Variants in PRDM15 observed in about 807,000 individuals in gnomAD.
The protein encoded by PRDM15 is PR/SET domain 15, also known as PR domain zinc finger protein 15.
In PRDM15, 64 loss-of-function variants were observed where a neutral mutation model predicts 128.6. That is an observed-to-expected ratio of 0.50 (90% confidence interval 0.41 to 0.61). The LOEUF is 0.61. Among genes scored for constraint, PRDM15 ranks in the 20% least tolerant of loss-of-function variants. The pLI, the probability that PRDM15 is intolerant of heterozygous loss-of-function variation, is 0.00. For synonymous variants in PRDM15, 615 were observed against 621.8 expected (o/e 0.99, Z 0.16); for missense variants, 1,242 against 1,569.1 (o/e 0.79, Z 3.52).
At chr21:41,823,161 A>G (rs1277004224) in intron 14 of PRDM15, 157 bp downstream of exon 14, 11 of 951,576 alleles carry the variant, frequency 1.2e-5, no homozygotes, top group Non-Finnish European at 1.8e-5. Context: ...CACCGAATCT[A>G]TGGGGGCTTT....
intron 1 of PRDM15, among the ~76,000 whole-genome samples, chr21:41,869,324 A>G (rs1237692836): frequency 6.6e-6 from 1 of 152,164 alleles, no homozygotes; most frequent in Non-Finnish European, 1.5e-5. Context: ...TCTGTCGCCC[A>G]GGCTAGAGTG....
intron 16 of PRDM15, 88 bp downstream of exon 16, chr21:41,820,979 A>T: frequency 6.5e-7 from 1 of 1,543,310 alleles, no homozygotes; most frequent in Non-Finnish European, 8.9e-7. Context: ...TGGAAGCTAC[A>T]AATGGCTCCT....
chr21:41,830,693 C>CATAAAT (rs2062657070), intron 11 of PRDM15, among the ~76,000 whole-genome samples: 1 of 151,740 alleles, frequency 6.6e-6, no homozygotes, highest in Non-Finnish European at 1.5e-5. Flanking sequence ...CCACATACCA[C>CATAAAT]ACAAATACAT....
In PRDM15 at chr21:41,821,391, T is replaced by C. The variant is rs2062258134; in HGVS notation, c.1897-161A>G. Among the ~76,000 whole-genome samples, 1 of 152,132 alleles carries C rather than the reference T, an allele frequency of 6.6e-6. No individual in the cohort carries two copies. The highest frequency in any genetic ancestry group is 1.5e-5 in the Non-Finnish European group (1 of 68,024). On this transcript the variant is annotated intron_variant, in intron 15 of 23. Coordinates refer to ENST00000398548, the MANE Select transcript of PRDM15 (RefSeq NM_001040424.3). The surrounding 1 kb of genome is among the most constrained non-coding windows in gnomAD (Gnocchi z 5.4). ...CTCTCAGAGGCTTGATGGGGAACTT[T>C]TCCGAAGCCATAAGGCCTCATGCCC... is the stretch of plus-strand genomic sequence containing the variant.
At chr21:41,802,416 A>T (rs979395195) in intron 23 of PRDM15, among the ~76,000 whole-genome samples, 1 of 152,008 alleles carries the variant, frequency 6.6e-6, no homozygotes, top group Admixed American at 6.6e-5. Context: ...GCCACCCGTG[A>T]CCTCCCCAAA....
In PRDM15 at chr21:41,879,168, C is replaced by A; in HGVS notation, c.-10+102G>T. On this transcript the variant is annotated intron_variant, in intron 1 of 23. Coordinates refer to ENST00000398548, the MANE Select transcript of PRDM15 (RefSeq NM_001040424.3). The surrounding 1 kb of genome is among the most constrained non-coding windows in gnomAD (Gnocchi z 5.1). Reference sequence around the variant, plus strand: ...GCCGGGCGCGGGGGGCGGGGGGCAGCGGGCCCAGGGCGCGCCGGGGCTCGC... The same window carrying A: ...GCCGGGCGCGGGGGGCGGGGGGCAGAGGGCCCAGGGCGCGCCGGGGCTCGC... 1.2e-6 allele frequency: 1 copy of A among 802,220 alleles called. No individual in the cohort carries two copies. The highest frequency in any genetic ancestry group is 1.5e-6 in the Non-Finnish European group (1 of 672,132). The allele number at this position is 802,220 out of a possible 1,614,324, so 49.7% of individuals were successfully genotyped here. A position where few individuals can be genotyped will look rare whatever the true frequency, so the allele number is the denominator to read the frequency against.
intron 5 of PRDM15, among the ~76,000 whole-genome samples, chr21:41,849,111 AAAAC>A (rs897860294): frequency 5.9e-5 from 9 of 152,252 alleles, no homozygotes; most frequent in African/African-American, 1.4e-4. Context: ...TGCAGAGTTT[AAAAC>A]AAACAAACAA....
In PRDM15 at chr21:41,857,214, C is replaced by T. The variant is rs1343555701; in HGVS notation, c.247G>A (p.Val83Ile). The change falls in exon 4 of 24, where the codon GTC (valine) becomes ATC (isoleucine). Residue 83 changes from valine (V) to isoleucine (I), a missense_variant. Physicochemically the swap from Val to Ile is conservative, Grantham distance 29 (BLOSUM62 3). Coordinates refer to ENST00000398548, the MANE Select transcript of PRDM15 (RefSeq NM_001040424.3). ...TQFGPFESRR[V>I]AKWEKESAFP... ...GCAGACTCCTTTTCCCATTTGGCGA[C>T]CCTCCTGGACTCAAAGGGACCGAAC... The T allele has an allele frequency of 6.2e-7, 1 of 1,613,724 alleles. No homozygotes were observed. The highest frequency in any genetic ancestry group is 1.7e-5 in the Admixed American group (1 of 60,000).
chr21:41,876,275 C>T (rs747224997), intron 1 of PRDM15, among the ~76,000 whole-genome samples: 1 of 152,118 alleles, frequency 6.6e-6, no homozygotes, highest in Non-Finnish European at 1.5e-5. Context: ...CTTTTTTCCC[C>T]TAATCAGTTC....
chr21:41,871,960 G>T, intron 1 of PRDM15: 1 of 205,652 alleles, frequency 4.9e-6, no homozygotes, highest in Non-Finnish European at 9.7e-6. Context: ...GAAGGCCCCA[G>T]GATACAATGG....
Position 41,847,161 on chromosome 21 carries a change from A to C in PRDM15, c.569T>G (p.Val190Gly), listed in dbSNP as rs1163591326. ...AAGTPENSAP[V>G]ESEPSQWACK... ...CGCCCACTGGCTGGGCTCCGACTCCACGGGGGCGCTGTTTTCTGGGGTGCC... is the reference window on the plus strand; with the variant it reads ...CGCCCACTGGCTGGGCTCCGACTCCCCGGGGGCGCTGTTTTCTGGGGTGCC... The change falls in exon 6 of 24, where the codon GTG (valine) becomes GGG (glycine). Residue 190 changes from valine to glycine, a missense_variant. By Grantham distance (109) the Val-to-Gly change is moderately radical (BLOSUM62 -3). Around this residue, in one of 3 missense-constraint regions of PRDM15, gnomAD observed 612 missense variants for 717.0 expected, o/e 0.85. Transcript: ENST00000398548. 2.6e-6 allele frequency: 4 copies of C among 1,554,268 alleles called. No homozygotes were observed. The highest frequency in any genetic ancestry group is 3.5e-6 in the Non-Finnish European group (4 of 1,148,126).
chr21:41,839,083 C>G (rs1328661987), intron 7 of PRDM15, among the ~76,000 whole-genome samples: 1 of 152,184 alleles, frequency 6.6e-6, no homozygotes, highest in Non-Finnish European at 1.5e-5. Flanking sequence ...GGTCAAATGC[C>G]TCTTCAAACC....
chr21:41,879,233 CCGGGGCGGGCGGCGGGCGCAGGG>C lies in PRDM15; in HGVS notation c.-10+14_-10+36del. On this transcript the variant is annotated intron_variant, in intron 1 of 23. Coordinates refer to ENST00000398548, the MANE Select transcript of PRDM15 (RefSeq NM_001040424.3). The surrounding 1 kb of genome is among the most constrained non-coding windows in gnomAD (Gnocchi z 5.1). ...CGGCCCGGGGCCGGCGGGGCGCACG[CCGGGGCGGGCGGCGGGCGCAGGG>C]CCCGGAGCTTTACCTGCCTTTGGAA... 1.4e-5 allele frequency: 12 copies of C among 870,786 alleles called. No individual in the cohort carries two copies. Among genetic ancestry groups the C allele is most frequent in the Non-Finnish European group, 1.5e-5 (11 of 726,598 alleles). The allele number at this position is 870,786 out of a possible 1,614,324, so 53.9% of individuals were successfully genotyped here.
At chr21:41,866,363 C>A (rs2064008243) in intron 1 of PRDM15, among the ~76,000 whole-genome samples, 1 of 152,264 alleles carries the variant, frequency 6.6e-6, no homozygotes, top group African/African-American at 2.4e-5. Context: ...TACAAAGCAC[C>A]TAGCAAGGTT....
At chr21:41,871,217 G>A (rs1316113824) in intron 1 of PRDM15, among the ~76,000 whole-genome samples, 12 of 152,168 alleles carry the variant, frequency 7.9e-5, no homozygotes, top group Non-Finnish European at 1.2e-4. Flanking sequence ...TCTACAGGCC[G>A]GCAGTAACTC....
chr21:41,827,131 G>C (rs1029646829), intron 12 of PRDM15, among the ~76,000 whole-genome samples: 1 of 152,200 alleles, frequency 6.6e-6, no homozygotes, highest in African/African-American at 2.4e-5. Context: ...AGGCTACCCA[G>C]TCACTAAGTG....
rs1218040182 is a variant in PRDM15, at chr21:41,838,079, G to A, written c.872-16C>T. On this transcript the variant is annotated splice_polypyrimidine_tract_variant and intron_variant, in intron 7 of 23. Coordinates refer to ENST00000398548, the MANE Select transcript of PRDM15 (RefSeq NM_001040424.3). Reference sequence around the variant, plus strand: ...GCCACTTGCTCTGTACGAAGGGGATGTGACAAGCTAAGTAACCACAAGAGC... The same window carrying A: ...GCCACTTGCTCTGTACGAAGGGGATATGACAAGCTAAGTAACCACAAGAGC... 5 of 1,612,954 alleles carry A rather than the reference G, an allele frequency of 3.1e-6. No homozygotes were observed. The highest frequency in any genetic ancestry group is 4.2e-6 in the Non-Finnish European group (5 of 1,179,652).
chr21:41,864,522 C>A (rs902383870), intron 1 of PRDM15, among the ~76,000 whole-genome samples: 6 of 152,048 alleles, frequency 3.9e-5, no homozygotes, highest in Non-Finnish European at 7.4e-5. Flanking sequence ...AGTCTCTCTG[C>A]CCCCACCTCC....
In PRDM15 at chr21:41,799,333, TG is replaced by T. The variant is rs1446178637; in HGVS notation, c.*1906del. The stretch of plus-strand genomic sequence containing the variant: ...TGATTCCATGGATGCCTGGAGCACT[TG>T]TATCTGGAGAATGGAGACAATATCA... On this transcript the variant is annotated 3_prime_UTR_variant, in exon 24 of 24. Coordinates refer to ENST00000398548, the MANE Select transcript of PRDM15 (RefSeq NM_001040424.3). The T allele has an allele frequency of 6.6e-6, 1 of 152,220 alleles. No individual in the cohort carries two copies. The allele number at this position is 152,220 out of a possible 1,614,324, so 9.4% of individuals were successfully genotyped here.
Sources: allele counts gnomAD v4.1 joint callset (sites outside exome capture counted in the v4.1 genomes callset), GRCh38; gene constraint gnomAD v4.1.1; regional missense constraint gnomAD v4.1.1; non-coding constraint Gnocchi (gnomAD v3.1); transcripts MANE v1.5; gene names NCBI Gene and HGNC (gene_info 2026-07-23, HGNC 2026-07-21).